APTX: variants seen among roughly 807,000 people sequenced by gnomAD.
APTX encodes aprataxin.
In APTX, 33 loss-of-function variants were observed where a neutral mutation model predicts 42.3. The observed-to-expected ratio is 0.78, with a 90% CI of 0.59 to 1.04. The LOEUF (loss-of-function observed/expected upper bound fraction) is 1.04, where lower values mean the gene tolerates loss of function less well. APTX is among the 50% of genes least tolerant of loss of function. APTX has a pLI of 0.00. For missense variants in APTX, 421 were observed against 415.1 expected (o/e 1.01, Z -0.12); for synonymous variants, 130 against 146.7 (o/e 0.89, Z 0.82).
At chr9:33,005,933 T>C (rs549248544), upstream of APTX, among the ~76,000 whole-genome samples, 4 of 152,238 alleles carry the variant, frequency 2.6e-5, no homozygotes, top group Non-Finnish European at 5.9e-5. Context: ...CATCAGTCTG[T>C]ATGTCTGTCT....
intron 1 of APTX, among the ~76,000 whole-genome samples, chr9:33,007,336 G>A (rs531403255): frequency 6.6e-6 from 1 of 152,196 alleles, no homozygotes; most frequent in Non-Finnish European, 1.5e-5. Context: ...AACCCCTGAA[G>A]AGTTAGTTAG....
At chr9:33,000,273 C>T (rs1402112248) in intron 1 of APTX, among the ~76,000 whole-genome samples, 2 of 152,170 alleles carry the variant, frequency 1.3e-5, no homozygotes, top group East Asian at 3.9e-4. Flanking sequence ...TATTATCACT[C>T]TTGTTAATAG....
intron 1 of APTX, among the ~76,000 whole-genome samples, chr9:32,995,820 G>A (rs1317915666): frequency 9.9e-5 from 15 of 151,396 alleles, no homozygotes; most frequent in South Asian, 4.2e-4. Context: ...TCCGGGAGGC[G>A]GAGCTTGCAG....
In APTX at chr9:32,974,554, G is replaced by A; in HGVS notation, c.778C>T (p.His260Tyr). The A allele has an allele frequency of 1.3e-6, 2 of 1,590,620 alleles. No homozygotes were observed. The highest frequency in any genetic ancestry group is 1.4e-5 in the African/African-American group (1 of 71,892). ...YHAIPSMSHVHLHVISQDFDS... is the reference protein window; with the variant it reads ...YHAIPSMSHVYLHVISQDFDS... ...AAATCCTGGCTGATCACATGAAGAT[G>A]TACATGGCTAGTTGAAAGAAAAAAA... is the stretch of plus-strand genomic sequence containing the variant. Residue 260 changes from histidine to tyrosine, a missense_variant, in exon 7 of 8, where the codon CAT (histidine) becomes TAT (tyrosine). Physicochemically the swap from His to Tyr is moderately conservative, Grantham distance 83. Coordinates refer to ENST00000379817, the MANE Select transcript of APTX (RefSeq NM_001195248.2).
intron 1 of APTX, among the ~76,000 whole-genome samples, chr9:33,013,757 T>C (rs556431615): frequency 1.3e-5 from 2 of 152,306 alleles, no homozygotes; most frequent in African/African-American, 2.4e-5. Context: ...TGAGCCGAGA[T>C]TGCGCCACTG....
chr9:32,974,401 A>T, intron 7 of APTX, 57 bp downstream of exon 7: 1 of 1,153,334 alleles, frequency 8.7e-7, no homozygotes, highest in Non-Finnish European at 1.3e-6. Context: ...AACCAAATCA[A>T]ATATAAGAAC....
chr9:33,012,568 GA>G (rs1837614967), intron 1 of APTX, among the ~76,000 whole-genome samples: 1 of 152,112 alleles, frequency 6.6e-6, no homozygotes, highest in Non-Finnish European at 1.5e-5. Flanking sequence ...CATGCTGTAA[GA>G]AGCCCAACTT....
chr9:32,984,836 C>A lies in APTX; in HGVS notation c.565G>T (p.Val189Leu). ...TTTGGGTATTTATCCTTTATCACCA[C>A]CACCTGCTCATCTTTGTAAACCTAG... The part of the protein sequence containing the change: ...KMQVYKDEQV[V>L]VIKDKYPKAR... The change falls in exon 6 of 8, where the codon GTG becomes TTG. Residue 189 changes from valine to leucine, a missense_variant. By Grantham distance (32) the Val-to-Leu change is conservative. Coordinates refer to ENST00000379817, the MANE Select transcript of APTX (RefSeq NM_001195248.2). 1 of 1,614,172 alleles carries A rather than the reference C, an allele frequency of 6.2e-7. No individual in the cohort carries two copies. Among genetic ancestry groups the A allele is most frequent in the Non-Finnish European group, 8.5e-7 (1 of 1,180,004 alleles).
intron 1 of APTX, chr9:33,019,559 G>A (rs906081672): frequency 3.2e-5 from 11 of 347,320 alleles, no homozygotes; most frequent in Non-Finnish European, 5.9e-5. Context: ...AGGGACCCCT[G>A]AGCACACAAA....
At chr9:33,004,630 C>CTTTTT (rs3065216), upstream of APTX, among the ~76,000 whole-genome samples, 522 of 125,578 alleles carry the variant, frequency 4.2e-3, 4 homozygotes, top group Non-Finnish European at 5.8e-3. Context: ...CTTGCCAACC[C>CTTTTT]TTTTTTTTTT....
At chr9:33,016,556 ACTT>A (rs1837913864) in intron 1 of APTX, among the ~76,000 whole-genome samples, 1 of 152,142 alleles carries the variant, frequency 6.6e-6, no homozygotes, top group African/African-American at 2.4e-5. Flanking sequence ...GTACCTCACG[ACTT>A]CTTTCGGCTT....
In APTX at chr9:33,020,340, C is replaced by T. The variant is rs143042133; in HGVS notation, c.-5+4683G>A. On this transcript the variant is annotated intron_variant, in intron 1 of 6. Coordinates refer to the APTX transcript ENST00000436040. ...AGAAAGCTGGAAGTCATTCCTCCTC[C>T]CTACCTCTGCATCAAGTCATCATGA... Among the ~76,000 whole-genome samples, 800 of 152,290 alleles carry T rather than the reference C, an allele frequency of 5.3e-3. 9 individuals carry two copies. Among genetic ancestry groups the T allele is most frequent in the African/African-American group, 0.018 (752 of 41,542 alleles).
intron 1 of APTX, among the ~76,000 whole-genome samples, chr9:33,016,654 T>C (rs1042410752): frequency 6.6e-6 from 1 of 150,890 alleles, no homozygotes. Context: ...AGTGACTAAA[T>C]AGAATGCATT....
intron 1 of APTX, among the ~76,000 whole-genome samples, chr9:33,012,004 T>C (rs1404923909): frequency 6.6e-6 from 1 of 152,216 alleles, no homozygotes; most frequent in African/African-American, 2.4e-5. Context: ...GTCTACACAT[T>C]TACACCATTC....
chr9:32,973,049 A>AG lies in APTX; in HGVS notation c.*448dup, dbSNP rs1403374603. The AG allele has an allele frequency of 4.4e-6, 2 of 454,386 alleles. No homozygotes were observed. The highest frequency in any genetic ancestry group is 4.0e-5 in the African/African-American group (2 of 50,036). 28.1% of individuals were successfully genotyped at this position (454,386 alleles called of 1,614,324 possible). On this transcript the variant is annotated 3_prime_UTR_variant, in exon 8 of 8. Transcript: ENST00000379817. Reference sequence around the variant, plus strand: ...AAAGAATATTACAAAACAGACTAACAGAAAACAAGACCCATCAGTATCTTC... The same window carrying AG: ...AAAGAATATTACAAAACAGACTAACAGGAAAACAAGACCCATCAGTATCTTC...
intron 4 of APTX, among the ~76,000 whole-genome samples, chr9:32,987,153 C>T (rs975253727): frequency 6.6e-5 from 10 of 152,150 alleles, no homozygotes; most frequent in East Asian, 1.9e-4. Context: ...TAAATGAAGG[C>T]GAGAAATGCC....
intron 1 of APTX, among the ~76,000 whole-genome samples, chr9:33,009,773 C>T (rs1376241902): frequency 6.6e-6 from 1 of 151,434 alleles, no homozygotes; most frequent in African/African-American, 2.4e-5. Context: ...GGTAACAGGG[C>T]GATACTCTGT....
intron 6 of APTX, among the ~76,000 whole-genome samples, chr9:32,978,843 T>G (rs928670955): frequency 5.3e-5 from 8 of 152,308 alleles, no homozygotes; most frequent in African/African-American, 1.9e-4. Context: ...TCCACTTCCA[T>G]GACCCACTTT....
chr9:32,984,017 A>G (rs924561297), intron 6 of APTX, among the ~76,000 whole-genome samples: 9 of 152,238 alleles, frequency 5.9e-5, no homozygotes, highest in Non-Finnish European at 1.3e-4. Context: ...TATGTATATT[A>G]TATCACAGTT....
Sources: allele counts gnomAD v4.1 joint callset (sites outside exome capture counted in the v4.1 genomes callset), GRCh38; gene constraint gnomAD v4.1.1; transcripts MANE v1.5; gene names NCBI Gene and HGNC (gene_info 2026-07-23, HGNC 2026-07-21).